PRKCH: variants seen among roughly 807,000 people sequenced by gnomAD.
PRKCH encodes the protein protein kinase C eta type.
A neutral mutation model predicts 82.5 loss-of-function variants in PRKCH; 28 were observed. That is an observed-to-expected ratio of 0.34 (90% CI 0.25 to 0.47). The LOEUF (loss-of-function observed/expected upper bound fraction) is 0.47. Ranked by LOEUF, PRKCH falls within the 20% of genes least tolerant of loss-of-function variation. The pLI is 1.00. For missense variants in PRKCH, 705 were observed against 881.8 expected, an observed-to-expected ratio of 0.80 and a Z score of 2.54; for synonymous variants, 322 against 327.4, an observed-to-expected ratio of 0.98 and a Z score of 0.18.
intron 12 of PRKCH, chr14:61,544,335 T>C (rs925199114): frequency 6.6e-6 from 1 of 152,198 alleles, no homozygotes; most frequent in African/African-American, 2.4e-5. Flanking sequence ...CCACGAGAAG[T>C]TGGAAAACCT....
At chr14:61,547,636 G>A in intron 12 of PRKCH, 107 bp from the exon 13 acceptor site, 2 of 1,405,948 alleles carry the variant, frequency 1.4e-6, no homozygotes, top group African/African-American at 1.4e-5. Context: ...AGCAAGACCT[G>A]CCAGAAAGTC....
intron 2 of PRKCH, among the ~76,000 whole-genome samples, chr14:61,436,594 G>A (rs566665290): frequency 3.9e-5 from 6 of 152,130 alleles, no homozygotes; most frequent in African/African-American, 7.2e-5. Context: ...GTATAATGGC[G>A]TGATCTCAGC....
At chr14:61,431,423 A>G (rs1883391010) in intron 2 of PRKCH, among the ~76,000 whole-genome samples, 1 of 152,066 alleles carries the variant, frequency 6.6e-6, no homozygotes, top group African/African-American at 2.4e-5. Context: ...GCTTCCTTTC[A>G]TTCCTGTTCT....
intron 1 of PRKCH, among the ~76,000 whole-genome samples, chr14:61,218,735 T>A (rs1014652607): frequency 1.3e-5 from 2 of 152,198 alleles, no homozygotes; most frequent in African/African-American, 4.8e-5. Flanking sequence ...AAAAATATCA[T>A]GGCATTTGAC....
chr14:61,512,074 G>T (rs1887401200), intron 10 of PRKCH, among the ~76,000 whole-genome samples: 1 of 152,054 alleles, frequency 6.6e-6, no homozygotes, highest in Non-Finnish European at 1.5e-5. Flanking sequence ...GAGGAATAGA[G>T]TTCCTTTTCT....
chr14:61,462,615 A>G (rs561243296), intron 9 of PRKCH, among the ~76,000 whole-genome samples: 95 of 152,344 alleles, frequency 6.2e-4, no homozygotes, highest in African/African-American at 2.1e-3. Context: ...AAAGAACAGA[A>G]AGTGTTACTT....
intron 1 of PRKCH, among the ~76,000 whole-genome samples, chr14:61,209,571 G>C (rs1316126634): frequency 6.6e-6 from 1 of 152,062 alleles, no homozygotes; most frequent in Non-Finnish European, 1.5e-5. Flanking sequence ...TCCTTATACA[G>C]CTTCAAATTA....
chr14:61,280,926 A>G lies in PRKCH; in HGVS notation c.-19+93258A>G, dbSNP rs3196765. ...CAGCCGCGGCGCACACCGAGCAGTT[A>G]CCGGTGCCCGGGTCGCCTGTATAGT... On this transcript the variant is annotated intron_variant, in intron 1 of 3. Transcript: ENST00000555185. The surrounding 1 kb of genome is among the most constrained non-coding windows in gnomAD (Gnocchi z 5.0). 1,307,364 of 1,540,482 alleles carry G rather than the reference A, an allele frequency of 0.85. 556,411 individuals are homozygous for G. Among genetic ancestry groups the G allele is most frequent in the Middle Eastern group, 0.88 (5,229 of 5,934 alleles).
At chr14:61,232,249 C>T (rs12878550) in intron 1 of PRKCH, among the ~76,000 whole-genome samples, 106,930 of 152,144 alleles carry the variant, frequency 0.7, 40,882 homozygotes, top group Non-Finnish European at 0.87. Context: ...TTTTTGAGAC[C>T]GAGTCTTGCC....
intron 8 of PRKCH, 37 bp downstream of exon 8, chr14:61,457,356 T>C: frequency 6.2e-7 from 1 of 1,611,002 alleles, no homozygotes; most frequent in Non-Finnish European, 8.5e-7. Flanking sequence ...TTGAAGTAAG[T>C]GTGCTCTGTG....
chr14:61,259,936 C>A (rs1305767386), intron 1 of PRKCH, among the ~76,000 whole-genome samples: 1 of 152,082 alleles, frequency 6.6e-6, no homozygotes, highest in African/African-American at 2.4e-5. Context: ...ATAAATTTGG[C>A]GTATAAGTGA....
chr14:61,264,453 T>A (rs907906509), intron 1 of PRKCH, among the ~76,000 whole-genome samples: 1 of 152,226 alleles, frequency 6.6e-6, no homozygotes. Context: ...AAAGCCTGAT[T>A]TGGCCACTTT....
chr14:61,398,299 C>CA (rs1272291507), intron 2 of PRKCH, among the ~76,000 whole-genome samples: 2 of 150,582 alleles, frequency 1.3e-5, no homozygotes, highest in Non-Finnish European at 3.0e-5. Flanking sequence ...AGTGGAGTAG[C>CA]AAAAAAAAGA....
chr14:61,320,959 G>A (rs1417028544), upstream of PRKCH, among the ~76,000 whole-genome samples: 2 of 152,182 alleles, frequency 1.3e-5, no homozygotes, highest in African/African-American at 4.8e-5. Context: ...CAGAAGAACC[G>A]ACCTTTCCTG....
chr14:61,436,918 C>G (rs1313382816), intron 2 of PRKCH, among the ~76,000 whole-genome samples: 3 of 152,370 alleles, frequency 2.0e-5, no homozygotes, highest in African/African-American at 7.2e-5. Context: ...TCTCCCTGCT[C>G]TAATTCACCA....
At chr14:61,345,766 G>A (rs1417433548) in intron 1 of PRKCH, among the ~76,000 whole-genome samples, 1 of 152,182 alleles carries the variant, frequency 6.6e-6, no homozygotes, top group Admixed American at 6.5e-5. Context: ...CAAATAAGTG[G>A]TGAAGGCTGG....
chr14:61,336,467 A>C (rs1396070882), intron 1 of PRKCH, among the ~76,000 whole-genome samples: 2 of 152,230 alleles, frequency 1.3e-5, no homozygotes, highest in Non-Finnish European at 2.9e-5. Context: ...AAGTTGGTTC[A>C]TGGAAACCTT....
intron 2 of PRKCH, among the ~76,000 whole-genome samples, chr14:61,418,810 G>A (rs769714557): frequency 2.0e-5 from 3 of 152,168 alleles, no homozygotes; most frequent in Non-Finnish European, 4.4e-5. Context: ...ATTATACTCT[G>A]CCCCTTCCTA....
intron 2 of PRKCH, among the ~76,000 whole-genome samples, chr14:61,420,406 A>G (rs888573325): frequency 6.6e-6 from 1 of 152,154 alleles, no homozygotes; most frequent in African/African-American, 2.4e-5. Flanking sequence ...TGTGGGCATC[A>G]GTATAAACAA....
Sources: gnomAD v4.1 joint callset for allele counts (sites outside exome capture counted in the v4.1 genomes callset) on GRCh38, gnomAD v4.1.1 for gene constraint, Gnocchi (gnomAD v3.1) non-coding constraint, MANE v1.5 for transcripts, NCBI Gene and HGNC (gene_info 2026-07-23, HGNC 2026-07-21) for gene names.